The following RPS6KC1 variants were observed in gnomAD, a reference collection of about 807,000 sequenced individuals.
RPS6KC1 encodes the protein ribosomal protein S6 kinase C1.
In RPS6KC1, 54 loss-of-function variants were observed where a neutral mutation model predicts 103.8. The observed-to-expected ratio is 0.52, with a 90% CI of 0.42 to 0.65. The LOEUF (loss-of-function observed/expected upper bound fraction) is 0.65. RPS6KC1 is among the 30% of genes least tolerant of loss of function. RPS6KC1 has a pLI of 0.00. For synonymous variants in RPS6KC1, 439 were observed against 438.7 expected (o/e 1.00, Z -0.01); for missense variants, 1,151 against 1,253.8 (o/e 0.92, Z 1.24).
At chr1:213,288,935 G>GTTGTTTGTTTGTTTGT in the RPS6KC1 span, among the ~76,000 whole-genome samples, 1 of 152,110 alleles carries the variant, frequency 6.6e-6, no homozygotes, top group African/African-American at 2.4e-5. Context: ...GGATTGGCTT[G>GTTGTTTGTTTGTTTGT]TTGTTTGTTT....
the RPS6KC1 span, among the ~76,000 whole-genome samples, chr1:213,435,968 A>G: frequency 6.6e-6 from 1 of 151,946 alleles, no homozygotes; most frequent in African/African-American, 2.4e-5. Flanking sequence ...TCCCTGCTGC[A>G]CATCCTGGAA....
At chr1:213,503,292 C>T in the RPS6KC1 span, among the ~76,000 whole-genome samples, 2 of 152,126 alleles carry the variant, frequency 1.3e-5, no homozygotes, top group East Asian at 1.9e-4. Context: ...GAAAAATATA[C>T]TTAACCTAGT....
chr1:213,661,462 C>T, the RPS6KC1 span, among the ~76,000 whole-genome samples: 1 of 152,184 alleles, frequency 6.6e-6, no homozygotes, highest in Non-Finnish European at 1.5e-5. Context: ...ACTGACCTCG[C>T]CTTTCAGTTG....
the RPS6KC1 span, among the ~76,000 whole-genome samples, chr1:213,471,285 A>G: frequency 2.0e-5 from 3 of 152,186 alleles, no homozygotes; most frequent in Non-Finnish European, 4.4e-5. Context: ...CCAGACTTAG[A>G]ATCAGTCATT....
intron 8 of RPS6KC1, among the ~76,000 whole-genome samples, chr1:213,197,669 C>G (rs929106568): frequency 1.3e-5 from 2 of 152,068 alleles, no homozygotes; most frequent in Non-Finnish European, 2.9e-5. Context: ...TATCCTGAAA[C>G]TTTATTGAAT....
chr1:213,586,416 A>C, the RPS6KC1 span, among the ~76,000 whole-genome samples: 1 of 152,226 alleles, frequency 6.6e-6, no homozygotes, highest in African/African-American at 2.4e-5. Flanking sequence ...AACTGTCAGC[A>C]GGTCAGGGAA....
the RPS6KC1 span, among the ~76,000 whole-genome samples, chr1:213,664,794 A>G: frequency 0.32 from 49,217 of 152,080 alleles, 8,208 homozygotes; most frequent in Admixed American, 0.39. Context: ...TTGAATAAAT[A>G]TATTTGAAGG....
chr1:213,808,841 T>A, the RPS6KC1 span, among the ~76,000 whole-genome samples: 1 of 152,214 alleles, frequency 6.6e-6, no homozygotes, highest in Non-Finnish European at 1.5e-5. Context: ...GTACCTCAGA[T>A]GGAAATGCAG....
At chr1:213,399,009 C>T in the RPS6KC1 span, among the ~76,000 whole-genome samples, 1 of 152,144 alleles carries the variant, frequency 6.6e-6, no homozygotes, top group Non-Finnish European at 1.5e-5. Context: ...AAGTGCCTGT[C>T]CTCAAGGAGA....
chr1:213,096,195 A>G (rs1253218744), intron 3 of RPS6KC1, among the ~76,000 whole-genome samples: 1 of 152,170 alleles, frequency 6.6e-6, no homozygotes, highest in East Asian at 1.9e-4. Context: ...TCAAGAAACG[A>G]CTTTCTCTGC....
chr1:213,406,517 C>T, the RPS6KC1 span, among the ~76,000 whole-genome samples: 1 of 152,040 alleles, frequency 6.6e-6, no homozygotes, highest in Non-Finnish European at 1.5e-5. Flanking sequence ...GATGGGAGGC[C>T]CCTGGAGAGG....
the RPS6KC1 span, among the ~76,000 whole-genome samples, chr1:213,566,234 T>C: frequency 6.6e-6 from 1 of 151,940 alleles, no homozygotes; most frequent in South Asian, 2.1e-4. Flanking sequence ...TAAAATAAAA[T>C]TTAGGGGAAA....
chr1:213,256,496 A>C (rs1295037946), intron 12 of RPS6KC1, among the ~76,000 whole-genome samples: 1 of 152,048 alleles, frequency 6.6e-6, no homozygotes, highest in Non-Finnish European at 1.5e-5. Flanking sequence ...GTCTTGGGCC[A>C]CATAAAATAC....
the RPS6KC1 span, among the ~76,000 whole-genome samples, chr1:213,445,917 C>A: frequency 6.6e-6 from 1 of 152,104 alleles, no homozygotes; most frequent in African/African-American, 2.4e-5. Context: ...ACTGAGAAGC[C>A]CTGTGCACCG....
chr1:213,566,982 T>A, the RPS6KC1 span, among the ~76,000 whole-genome samples: 1 of 152,196 alleles, frequency 6.6e-6, no homozygotes, highest in Non-Finnish European at 1.5e-5. Flanking sequence ...TGGATTGTAA[T>A]GTATGGTTGG....
At chr1:213,780,931 G>A in the RPS6KC1 span, among the ~76,000 whole-genome samples, 1 of 152,184 alleles carries the variant, frequency 6.6e-6, no homozygotes, top group Non-Finnish European at 1.5e-5. Context: ...GCTGAGGCAT[G>A]AGAATCACTT....
chr1:213,552,655 T>C, the RPS6KC1 span, among the ~76,000 whole-genome samples: 1 of 152,212 alleles, frequency 6.6e-6, no homozygotes, highest in African/African-American at 2.4e-5. Flanking sequence ...TTAATATATA[T>C]TTTTAAACTG....
chr1:213,702,445 G>A, the RPS6KC1 span, among the ~76,000 whole-genome samples: 11 of 152,052 alleles, frequency 7.2e-5, no homozygotes, highest in Admixed American at 5.9e-4. Context: ...GGTCTATAGT[G>A]CAGATTAAGC....
the RPS6KC1 span, among the ~76,000 whole-genome samples, chr1:213,496,797 T>C: frequency 6.6e-6 from 1 of 152,214 alleles, no homozygotes; most frequent in African/African-American, 2.4e-5. Flanking sequence ...CAGTGGTATG[T>C]TGGAGCTTGC....
Sources: gnomAD v4.1 joint callset for allele counts (sites outside exome capture counted in the v4.1 genomes callset) on GRCh38, gnomAD v4.1.1 for gene constraint, MANE v1.5 for transcripts, NCBI Gene and HGNC (gene_info 2026-07-23, HGNC 2026-07-21) for gene names.